FHIT: variants seen among roughly 807,000 people sequenced by gnomAD.
FHIT encodes the protein bis(5'-adenosyl)-triphosphatase.
FHIT carries 19 observed loss-of-function variants against 17.9 expected under a neutral mutation model. The ratio of observed to expected loss-of-function variants is 1.06; its 90% CI spans 0.74 to 1.56. FHIT has a LOEUF of 1.56. FHIT is among the 40% of genes most tolerant of loss of function. The pLI is 0.00. For synonymous variants in FHIT, 81 were observed against 69.7 expected, an observed-to-expected ratio of 1.16 and a Z score of -0.81; for missense variants, 248 against 189.2, an observed-to-expected ratio of 1.31 and a Z score of -1.82.
intron 5 of FHIT, among the ~76,000 whole-genome samples, chr3:60,525,937 T>C (rs1559512988): frequency 6.6e-6 from 1 of 152,036 alleles, no homozygotes; most frequent in Non-Finnish European, 1.5e-5. Flanking sequence ...ACCTTGTCTC[T>C]ACAAAAAATG....
chr3:60,142,436 T>A (rs1700076640), intron 5 of FHIT, among the ~76,000 whole-genome samples: 1 of 152,184 alleles, frequency 6.6e-6, no homozygotes, highest in Non-Finnish European at 1.5e-5. Flanking sequence ...TTGCTTAAAA[T>A]TTTATTTATA....
At chr3:60,612,837 A>C (rs900715209) in intron 4 of FHIT, among the ~76,000 whole-genome samples, 6 of 152,202 alleles carry the variant, frequency 3.9e-5, no homozygotes, top group Non-Finnish European at 5.9e-5. Context: ...CAATAACAGA[A>C]TCCTTCCCAC....
rs372403646 is a variant in FHIT, at chr3:60,161,096, T to C, written c.104-146944A>G. ...ACTTGGCTTCTGTCCTTCAGCCATA[T>C]ACCTCCTAACGAGTATGACAATAAC... On this transcript the variant is annotated intron_variant, in intron 5 of 9. Coordinates refer to ENST00000492590, the MANE Select transcript of FHIT (RefSeq NM_002012.4). Among the ~76,000 whole-genome samples the C allele has an allele frequency of 5.9e-5, 9 of 152,362 alleles. No individual in the cohort carries two copies. The East Asian group carries it at 1.4e-3, about 23-fold the overall frequency.
chr3:60,068,065 G>T (rs534785969), intron 5 of FHIT, among the ~76,000 whole-genome samples: 7 of 151,970 alleles, frequency 4.6e-5, no homozygotes, highest in Admixed American at 1.3e-4. Flanking sequence ...GTGAAACCCC[G>T]TCTCTACTAA....
intron 5 of FHIT, among the ~76,000 whole-genome samples, chr3:60,140,133 AT>A (rs1339968962): frequency 6.6e-6 from 1 of 152,200 alleles, no homozygotes; most frequent in African/African-American, 2.4e-5. Context: ...AAAAAAAAAA[AT>A]TGGTTAATTG....
chr3:60,913,863 C>A (rs1468022624), intron 3 of FHIT, among the ~76,000 whole-genome samples: 1 of 152,160 alleles, frequency 6.6e-6, no homozygotes, highest in African/African-American at 2.4e-5. Flanking sequence ...CTCTCTCCTG[C>A]AGCATGATCA....
chr3:60,009,417 T>C (rs1700057979), intron 7 of FHIT, among the ~76,000 whole-genome samples: 1 of 152,168 alleles, frequency 6.6e-6, no homozygotes, highest in Non-Finnish European at 1.5e-5. Context: ...AGGGTGATGA[T>C]AACAATAACC....
At chr3:61,056,227 G>T (rs1323272141) in intron 2 of FHIT, among the ~76,000 whole-genome samples, 1 of 152,172 alleles carries the variant, frequency 6.6e-6, no homozygotes, top group Non-Finnish European at 1.5e-5. Flanking sequence ...TTTCAGACCT[G>T]CCTGGGCAAT....
intron 5 of FHIT, among the ~76,000 whole-genome samples, chr3:60,068,902 T>C (rs984017049): frequency 2.0e-5 from 3 of 152,128 alleles, no homozygotes; most frequent in African/African-American, 7.2e-5. Flanking sequence ...ATAAAACATA[T>C]GTACAAGGAT....
intron 2 of FHIT, among the ~76,000 whole-genome samples, chr3:61,108,105 C>T (rs779718688): frequency 3.9e-5 from 6 of 152,206 alleles, no homozygotes; most frequent in Admixed American, 1.3e-4. Context: ...TTTATAGTCC[C>T]CTGATAATTA....
intron 5 of FHIT, among the ~76,000 whole-genome samples, chr3:60,200,163 G>C (rs1702832086): frequency 6.6e-6 from 1 of 152,130 alleles, no homozygotes; most frequent in Non-Finnish European, 1.5e-5. Flanking sequence ...CCATCCAGAG[G>C]ACAGTACTGG....
intron 8 of FHIT, among the ~76,000 whole-genome samples, chr3:59,845,652 G>A (rs1168674168): frequency 1.3e-5 from 2 of 152,070 alleles, no homozygotes; most frequent in African/African-American, 4.8e-5. Context: ...TCTGTACAAT[G>A]TCTGTCTTTT....
At chr3:59,986,528 T>A (rs796912717) in intron 7 of FHIT, among the ~76,000 whole-genome samples, 264 of 3,018 alleles carry the variant, frequency 0.087, 1 homozygote, top group Admixed American at 0.18. Flanking sequence ...TATATATATA[T>A]ATATATATAT....
intron 3 of FHIT, among the ~76,000 whole-genome samples, chr3:61,004,055 G>C (rs2031276966): frequency 6.6e-6 from 1 of 152,088 alleles, no homozygotes; most frequent in Non-Finnish European, 1.5e-5. Context: ...TGGTGTACTT[G>C]TGTTGAGGGC....
At chr3:60,350,512 A>C (rs1053206549) in intron 5 of FHIT, among the ~76,000 whole-genome samples, 1 of 152,140 alleles carries the variant, frequency 6.6e-6, no homozygotes, top group Admixed American at 6.5e-5. Flanking sequence ...ATGTAGAACA[A>C]ATAAGACACA....
chr3:60,356,913 G>A (rs1347748252), intron 5 of FHIT, among the ~76,000 whole-genome samples: 2 of 152,090 alleles, frequency 1.3e-5, no homozygotes, highest in African/African-American at 2.4e-5. Flanking sequence ...GGCTAGAACT[G>A]GGCCAGGTGC....
chr3:60,062,175 T>C (rs1016912849), intron 5 of FHIT, among the ~76,000 whole-genome samples: 4 of 152,120 alleles, frequency 2.6e-5, no homozygotes, highest in African/African-American at 4.8e-5. Context: ...TAAGCATTGA[T>C]TGAGTACCTA....
intron 3 of FHIT, among the ~76,000 whole-genome samples, chr3:60,889,605 G>A (rs1323201833): frequency 6.6e-6 from 1 of 152,168 alleles, no homozygotes; most frequent in Non-Finnish European, 1.5e-5. Flanking sequence ...GCAATAGTGA[G>A]GACTGTAGCT....
rs1553775208 is a variant in FHIT, at chr3:60,944,135, T to C, written c.-111+97912A>G. Among the ~76,000 whole-genome samples the C allele has an allele frequency of 2.6e-5, 4 of 152,314 alleles. No individual in the cohort carries two copies. The South Asian group carries it at 6.2e-4, about 24-fold the overall frequency. On this transcript the variant is annotated intron_variant, in intron 3 of 9. Coordinates refer to ENST00000492590, the MANE Select transcript of FHIT (RefSeq NM_002012.4). ...CTCCAGTTAAATGAGGGTCGCATAG[T>C]ATAAGTTAAGAAATTTGAACTTTAC... is the stretch of plus-strand genomic sequence containing the variant.
Sources: gnomAD v4.1 joint callset for allele counts (sites outside exome capture counted in the v4.1 genomes callset) on GRCh38, gnomAD v4.1.1 for gene constraint, MANE v1.5 for transcripts, NCBI Gene and HGNC (gene_info 2026-07-23, HGNC 2026-07-21) for gene names.